IFT57: variants seen among roughly 807,000 people sequenced by gnomAD.
IFT57 encodes the protein intraflagellar transport 57, also known as intraflagellar transport protein 57 homolog.
IFT57 carries 59 observed loss-of-function variants against 56.8 expected under a neutral mutation model. The ratio of observed to expected loss-of-function variants is 1.04; its 90% CI spans 0.84 to 1.29. The LOEUF (loss-of-function observed/expected upper bound fraction) is 1.29. IFT57 is among the 50% of genes most tolerant of loss of function. The pLI is 0.00. For synonymous variants in IFT57, 209 were observed against 186.1 expected, an observed-to-expected ratio of 1.12 and a Z score of -1.00; for missense variants, 470 against 522.1, an observed-to-expected ratio of 0.90 and a Z score of 0.97.
intron 6 of IFT57, among the ~76,000 whole-genome samples, chr3:108,176,217 G>A (rs989670791): frequency 1.9e-4 from 29 of 151,672 alleles, no homozygotes; most frequent in African/African-American, 6.5e-4. Context: ...GGGCGCTTAC[G>A]GCTCCATTTA....
intron 1 of IFT57, among the ~76,000 whole-genome samples, chr3:108,220,713 G>C (rs1388433076): frequency 2.8e-4 from 16 of 56,288 alleles, no homozygotes; most frequent in Admixed American, 2.3e-3. Flanking sequence ...TACTGAAACA[G>C]ATGCTAGGCC....
At chr3:108,204,206 G>T (rs1463052741) in intron 5 of IFT57, among the ~76,000 whole-genome samples, 1 of 152,086 alleles carries the variant, frequency 6.6e-6, no homozygotes, top group African/African-American at 2.4e-5. Context: ...AATATGAAAG[G>T]GTTTTCTGCC....
rs1471859662 is a variant in IFT57, at chr3:108,162,221, GC to G, written c.*255del. On this transcript the variant is annotated 3_prime_UTR_variant, in exon 11 of 11. Coordinates refer to ENST00000264538, the MANE Select transcript of IFT57 (RefSeq NM_018010.4). ...ACACAAGGAATGCTATGAAAAATGA[GC>G]CACCAGGTGGGAGCTTTAACATAGG... 5 of 312,278 alleles carry G rather than the reference GC, an allele frequency of 1.6e-5. No homozygotes were observed. The highest frequency in any genetic ancestry group is 3.0e-5 in the Non-Finnish European group (5 of 168,176). The allele number at this position is 312,278 out of a possible 1,614,324, so 19.3% of individuals were successfully genotyped here. A position where few individuals can be genotyped will look rare whatever the true frequency, so the allele number is the denominator to read the frequency against.
At chr3:108,214,070 G>C (rs2080357920) in intron 3 of IFT57, 49 bp from the exon 4 acceptor site, 3 of 1,151,236 alleles carry the variant, frequency 2.6e-6, no homozygotes, top group Non-Finnish European at 3.8e-6. Context: ...TATTTAGTAA[G>C]ACAAAAAAAT....
intron 1 of IFT57, among the ~76,000 whole-genome samples, chr3:108,221,794 T>C (rs1474916340): frequency 6.6e-6 from 1 of 152,046 alleles, no homozygotes; most frequent in Non-Finnish European, 1.5e-5. Flanking sequence ...TGAGTATTTG[T>C]TTCATCTTTA....
intron 5 of IFT57, among the ~76,000 whole-genome samples, chr3:108,197,019 C>A (rs907880032): frequency 6.6e-6 from 1 of 152,066 alleles, no homozygotes; most frequent in African/African-American, 2.4e-5. Flanking sequence ...GTCACTTGTA[C>A]AAGAGAAATA....
intron 6 of IFT57, among the ~76,000 whole-genome samples, chr3:108,178,069 C>T (rs2108312712): frequency 6.6e-6 from 1 of 151,684 alleles, no homozygotes; most frequent in African/African-American, 2.4e-5. Flanking sequence ...TTAAAAGAAA[C>T]CATTTTCAAT....
chr3:108,185,551 A>ATTTT lies in IFT57; in HGVS notation c.777+5966_777+5969dup, dbSNP rs1179200943. ...ATTACTAAGAGATGTGAGCACTAGG[A>ATTTT]TTTTTTTTTTTTTTTTTTTTTTTTT... On this transcript the variant is annotated intron_variant, in intron 6 of 10. Transcript: ENST00000264538. 1.7e-4 allele frequency among the ~76,000 whole-genome samples: 15 copies of ATTTT among 87,290 alleles called. 2 individuals are homozygous for ATTTT. Among genetic ancestry groups the ATTTT allele is most frequent in the South Asian group, 4.4e-4 (1 of 2,260 alleles). The allele number at this position is 87,290 out of a possible 152,430, so 57.3% of individuals were successfully genotyped here.
chr3:108,189,297 A>G (rs1200597496), intron 6 of IFT57, among the ~76,000 whole-genome samples: 1 of 152,218 alleles, frequency 6.6e-6, no homozygotes, highest in Non-Finnish European at 1.5e-5. Context: ...ACAGCTGTTC[A>G]CAGTGTAGTA....
intron 6 of IFT57, among the ~76,000 whole-genome samples, chr3:108,173,815 A>AGTG (rs2080108620): frequency 8.3e-6 from 1 of 120,896 alleles, no homozygotes; most frequent in African/African-American, 3.7e-5. Context: ...TGTGTATATA[A>AGTG]TATAGTATAT....
chr3:108,222,377 A>AGCCGCCAGCCCT lies in IFT57; in HGVS notation c.-67_-56dup. ...CAGGCCCACAGACCTCTGCGGCCTA[A>AGCCGCCAGCCCT]GCCGCCAGCCCTGCCGCCGCCAGTA... On this transcript the variant is annotated 5_prime_UTR_variant, in exon 1 of 11. Coordinates refer to ENST00000264538, the MANE Select transcript of IFT57 (RefSeq NM_018010.4). 4.0e-6 allele frequency: 6 copies of AGCCGCCAGCCCT among 1,507,602 alleles called. No individual in the cohort carries two copies. The highest frequency in any genetic ancestry group is 5.3e-6 in the Non-Finnish European group (6 of 1,128,078). 93.4% of individuals were successfully genotyped at this position (1,507,602 alleles called of 1,614,324 possible).
At chr3:108,194,652 A>T (rs2080233716) in intron 5 of IFT57, among the ~76,000 whole-genome samples, 1 of 152,198 alleles carries the variant, frequency 6.6e-6, no homozygotes, top group African/African-American at 2.4e-5. Context: ...GCAAAGACCA[A>T]TGGAAAAGAA....
At chr3:108,192,978 C>T (rs1343215043) in intron 5 of IFT57, among the ~76,000 whole-genome samples, 1 of 151,974 alleles carries the variant, frequency 6.6e-6, no homozygotes, top group East Asian at 1.9e-4. Context: ...ACATGATTGA[C>T]AAAATGTTAA....
chr3:108,165,137 TC>T (rs1221037442), intron 9 of IFT57, among the ~76,000 whole-genome samples: 1 of 151,542 alleles, frequency 6.6e-6, no homozygotes, highest in Admixed American at 6.6e-5. Flanking sequence ...TTACTATTCA[TC>T]CCCATGTTAA....
At chr3:108,205,838 T>A (rs1424905697) in intron 5 of IFT57, among the ~76,000 whole-genome samples, 1 of 80,538 alleles carries the variant, frequency 1.2e-5, no homozygotes, top group Non-Finnish European at 3.6e-5. Flanking sequence ...ATATATTATT[T>A]AATTAATTTA....
intron 6 of IFT57, among the ~76,000 whole-genome samples, chr3:108,173,094 A>T (rs757355274): frequency 2.0e-5 from 3 of 151,906 alleles, no homozygotes; most frequent in Non-Finnish European, 4.4e-5. Flanking sequence ...GATAAAAGTA[A>T]AACAGCAGAA....
At position 108,203,630 on chromosome 3, in the gene IFT57, AG is replaced by A. The variant is rs796883783; in HGVS notation, c.654+2997del. On this transcript the variant is annotated intron_variant, in intron 5 of 10. Transcript: ENST00000264538. ...ATAAGTACAAAAATAGCACATATTC[AG>A]GCATGTATTCATACAATATTATTGA... Among the ~76,000 whole-genome samples the A allele has an allele frequency of 3.4e-4, 52 of 152,334 alleles. 3 individuals carry two copies. The highest frequency in any genetic ancestry group is 1.2e-3 in the African/African-American group (48 of 41,590).
intron 4 of IFT57, among the ~76,000 whole-genome samples, chr3:108,209,229 G>A (rs1446288518): frequency 6.6e-6 from 1 of 152,070 alleles, no homozygotes; most frequent in African/African-American, 2.4e-5. Flanking sequence ...TAACATAGAT[G>A]TACTGACTTT....
intron 4 of IFT57, among the ~76,000 whole-genome samples, chr3:108,208,962 G>T (rs1046875769): frequency 3.3e-5 from 5 of 152,248 alleles, no homozygotes; most frequent in African/African-American, 9.6e-5. Flanking sequence ...ATCCAGGCAG[G>T]TCTACTTAAT....
Sources: allele counts gnomAD v4.1 joint callset (sites outside exome capture counted in the v4.1 genomes callset), GRCh38; gene constraint gnomAD v4.1.1; transcripts MANE v1.5; gene names NCBI Gene and HGNC (gene_info 2026-07-23, HGNC 2026-07-21).